Variants in GRM7 observed in about 807,000 individuals in gnomAD.
GRM7 encodes the protein glutamate metabotropic receptor 7, also known as metabotropic glutamate receptor 7.
In GRM7, 35 loss-of-function variants were observed where a neutral mutation model predicts 84.5. That is an observed-to-expected ratio of 0.41 (90% CI 0.32 to 0.55). GRM7 has a LOEUF of 0.55. Ranked by LOEUF, GRM7 falls within the 20% of genes least tolerant of loss-of-function variation. The pLI is 0.19. For synonymous variants in GRM7, 487 were observed against 455.1 expected, an observed-to-expected ratio of 1.07 and a Z score of -0.89; for missense variants, 1,003 against 1,194.6, an observed-to-expected ratio of 0.84 and a Z score of 2.36.
At chr3:7,075,733 C>A (rs968911147) in intron 1 of GRM7, among the ~76,000 whole-genome samples, 1 of 152,030 alleles carries the variant, frequency 6.6e-6, no homozygotes, top group African/African-American at 2.4e-5. Context: ...ACCATGTTGG[C>A]CAGGCTGGTT....
intron 7 of GRM7, among the ~76,000 whole-genome samples, chr3:7,476,420 G>A (rs114443090): frequency 0.013 from 1,964 of 152,166 alleles, 40 homozygotes; most frequent in African/African-American, 0.045. Context: ...GGTGGCAAGC[G>A]CCTGTAGTCT....
chr3:7,247,622 A>T (rs1175136450), intron 2 of GRM7, among the ~76,000 whole-genome samples: 1 of 148,426 alleles, frequency 6.7e-6, no homozygotes, highest in Non-Finnish European at 1.5e-5. Flanking sequence ...AAAAAAAAAG[A>T]AGAAGAAAGA....
intron 2 of GRM7, among the ~76,000 whole-genome samples, chr3:7,160,433 C>T (rs1694588447): frequency 6.6e-6 from 1 of 152,148 alleles, no homozygotes; most frequent in Admixed American, 6.5e-5. Context: ...TGTTTTGGCT[C>T]CTTTTCAGAA....
At chr3:6,887,595 G>A (rs559480591) in intron 1 of GRM7, among the ~76,000 whole-genome samples, 1 of 152,286 alleles carries the variant, frequency 6.6e-6, no homozygotes, top group East Asian at 1.9e-4. Flanking sequence ...ATTCCATGGT[G>A]TATATATGCC....
intron 4 of GRM7, among the ~76,000 whole-genome samples, chr3:7,402,188 A>G (rs2125159641): frequency 6.6e-6 from 1 of 152,294 alleles, no homozygotes; most frequent in East Asian, 1.9e-4. Flanking sequence ...GTTGACAGGA[A>G]TTGGTTATTC....
chr3:7,430,881 T>A (rs1203734973), intron 5 of GRM7, among the ~76,000 whole-genome samples: 1 of 152,196 alleles, frequency 6.6e-6, no homozygotes, highest in African/African-American at 2.4e-5. Context: ...AAAGGTCAAA[T>A]AGGCTTGCTT....
chr3:7,487,983 G>T (rs530078970), intron 7 of GRM7, among the ~76,000 whole-genome samples: 1 of 152,310 alleles, frequency 6.6e-6, no homozygotes, highest in East Asian at 1.9e-4. Context: ...ATTCCTAGGG[G>T]ATCCACACTT....
At chr3:7,315,490 G>A (rs1437535592) in intron 4 of GRM7, among the ~76,000 whole-genome samples, 1 of 152,130 alleles carries the variant, frequency 6.6e-6, no homozygotes, top group Non-Finnish European at 1.5e-5. Flanking sequence ...TTCTAGCAAT[G>A]CCTCCCTATT....
intron 1 of GRM7, among the ~76,000 whole-genome samples, chr3:7,138,897 A>T (rs1693854011): frequency 6.6e-6 from 1 of 151,284 alleles, no homozygotes; most frequent in Admixed American, 6.6e-5. Flanking sequence ...TTAGCTGCTC[A>T]TTAAGACCCA....
chr3:7,651,432 G>C (rs375067988), intron 8 of GRM7, among the ~76,000 whole-genome samples: 7 of 152,174 alleles, frequency 4.6e-5, no homozygotes, highest in African/African-American at 1.7e-4. Flanking sequence ...ATTATTTATA[G>C]GCTTCTTAAT....
intron 7 of GRM7, among the ~76,000 whole-genome samples, chr3:7,554,294 C>T (rs900632093): frequency 2.0e-5 from 3 of 152,154 alleles, no homozygotes; most frequent in African/African-American, 4.8e-5. Flanking sequence ...GGAGGAAACT[C>T]TTTGTGTATG....
chr3:7,701,435 G>A (rs181859243), intron 9 of GRM7, among the ~76,000 whole-genome samples: 71 of 151,970 alleles, frequency 4.7e-4, no homozygotes, highest in Non-Finnish European at 1.0e-3. Context: ...TGAGTAGCTG[G>A]GACTACAGGC....
chr3:7,575,185 A>C (rs1436405744), intron 7 of GRM7, among the ~76,000 whole-genome samples: 2 of 152,148 alleles, frequency 1.3e-5, no homozygotes, highest in Non-Finnish European at 2.9e-5. Flanking sequence ...AAAAGCTAGG[A>C]TCTCAGCCCT....
rs145895894 is a variant in GRM7, at chr3:6,896,573, G to A, written c.519+34666G>A. Among the ~76,000 whole-genome samples the A allele has an allele frequency of 3.3e-3, 498 of 152,248 alleles. 8 individuals carry two copies. The highest frequency in any genetic ancestry group is 0.011 in the African/African-American group (476 of 41,560). ...TGCACCTGCATCATCAGTGTGGCCT[G>A]ATTTTGAGCTCAACGTCTAGCATTT... is the stretch of plus-strand genomic sequence containing the variant. On this transcript the variant is annotated intron_variant, in intron 1 of 9. Transcript: ENST00000357716.
At chr3:7,196,577 C>G (rs1040084302) in intron 2 of GRM7, among the ~76,000 whole-genome samples, 1 of 152,070 alleles carries the variant, frequency 6.6e-6, no homozygotes, top group Non-Finnish European at 1.5e-5. Context: ...TCCCTCTGCC[C>G]GAAATGGCCT....
intron 1 of GRM7, among the ~76,000 whole-genome samples, chr3:7,080,339 T>A (rs1024932541): frequency 3.3e-5 from 5 of 152,040 alleles, no homozygotes; most frequent in Non-Finnish European, 7.4e-5. Flanking sequence ...TTTGGTCCAG[T>A]CTCCTCGCTG....
intron 5 of GRM7, among the ~76,000 whole-genome samples, chr3:7,446,190 C>G (rs1697499175): frequency 6.6e-6 from 1 of 152,134 alleles, no homozygotes; most frequent in South Asian, 2.1e-4. Context: ...GCACTGCCAG[C>G]ACAAGTGTAC....
chr3:7,125,966 T>C (rs1167157425), intron 1 of GRM7, among the ~76,000 whole-genome samples: 1 of 152,224 alleles, frequency 6.6e-6, no homozygotes, highest in Non-Finnish European at 1.5e-5. Flanking sequence ...ACAACTGAAT[T>C]GTCACCTTCC....
At position 7,572,872 on chromosome 3, in the gene GRM7, ATATAT is replaced by A. The variant is rs1694767915; in HGVS notation, c.1516-5549_1516-5545del. 4.1e-4 allele frequency among the ~76,000 whole-genome samples: 33 copies of A among 80,518 alleles called. 3 individuals carry two copies. The highest frequency in any genetic ancestry group is 1.4e-3 in the Admixed American group (10 of 7,368). The allele number at this position is 80,518 out of a possible 152,430, so 52.8% of individuals were successfully genotyped here. A position where few individuals can be genotyped will look rare whatever the true frequency, so the allele number is the denominator to read the frequency against. On this transcript the variant is annotated intron_variant, in intron 7 of 9. Coordinates refer to ENST00000357716, the MANE Select transcript of GRM7 (RefSeq NM_000844.4). ...TATATATATATATATATATATATAT[ATATAT>A]ATAAATAATCTTTCTACCTATAATA...
Sources: allele counts gnomAD v4.1 joint callset (sites outside exome capture counted in the v4.1 genomes callset), GRCh38; gene constraint gnomAD v4.1.1; transcripts MANE v1.5; gene names NCBI Gene and HGNC (gene_info 2026-07-23, HGNC 2026-07-21).